The following GALM variants were observed in gnomAD, a reference collection of about 807,000 sequenced individuals.
The protein encoded by GALM is galactose mutarotase, also known as aldose 1-epimerase.
A neutral mutation model predicts 37.4 loss-of-function variants in GALM; 43 were observed. That is an observed-to-expected ratio of 1.15 (90% CI 0.90 to 1.48). GALM has a LOEUF of 1.48. Ranked by LOEUF, GALM falls within the 40% of genes most tolerant of loss-of-function variation. GALM has a pLI of 0.00. For synonymous variants in GALM, 199 were observed against 170.6 expected (o/e 1.17, Z -1.30); for missense variants, 456 against 419.1 (o/e 1.09, Z -0.77).
At chr2:38,718,006 TTC>T (rs762841886) in intron 4 of GALM, among the ~76,000 whole-genome samples, 8 of 150,546 alleles carry the variant, frequency 5.3e-5, no homozygotes, top group Non-Finnish European at 1.2e-4. Flanking sequence ...GGCTAATATT[TTC>T]TGTTTTTTGC....
intron 4 of GALM, among the ~76,000 whole-genome samples, chr2:38,695,271 A>C (rs981651565): frequency 2.6e-5 from 4 of 152,162 alleles, no homozygotes; most frequent in Non-Finnish European, 2.9e-5. Context: ...AAAATACAAA[A>C]ATTAGCCAAT....
At chr2:38,714,930 A>T (rs1666240224) in intron 4 of GALM, among the ~76,000 whole-genome samples, 1 of 152,156 alleles carries the variant, frequency 6.6e-6, no homozygotes, top group African/African-American at 2.4e-5. Context: ...CTGTCTAAAT[A>T]ATCTGTCCAA....
chr2:38,675,030 C>T (rs1210702474), intron 1 of GALM, among the ~76,000 whole-genome samples: 1 of 152,104 alleles, frequency 6.6e-6, no homozygotes, highest in Non-Finnish European at 1.5e-5. Context: ...CAAAAATTAG[C>T]TTGGTGTGGT....
intron 3 of GALM, among the ~76,000 whole-genome samples, chr2:38,686,142 A>G (rs373624509): frequency 9.2e-4 from 139 of 150,606 alleles, no homozygotes; most frequent in African/African-American, 3.1e-3. Flanking sequence ...TCTCAGGCTC[A>G]TCAGTTTATT....
chr2:38,688,033 G>A (rs1402784881), intron 3 of GALM, among the ~76,000 whole-genome samples: 3 of 151,906 alleles, frequency 2.0e-5, no homozygotes, highest in Admixed American at 1.3e-4. Flanking sequence ...CCAACATGGT[G>A]AAACCCCATC....
chr2:38,726,806 G>T (rs1432612677), intron 4 of GALM, among the ~76,000 whole-genome samples: 2 of 151,944 alleles, frequency 1.3e-5, no homozygotes, highest in Non-Finnish European at 2.9e-5. Flanking sequence ...TGAGGCAGAA[G>T]AATCGCTTGA....
chr2:38,688,012 G>A (rs1269862793), intron 3 of GALM, among the ~76,000 whole-genome samples: 1 of 151,900 alleles, frequency 6.6e-6, no homozygotes, highest in Non-Finnish European at 1.5e-5. Flanking sequence ...AGGAGTTTAA[G>A]ACTAGCCTGA....
At chr2:38,714,014 T>C (rs1558592865) in intron 4 of GALM, among the ~76,000 whole-genome samples, 2 of 151,648 alleles carry the variant, frequency 1.3e-5, no homozygotes, top group Non-Finnish European at 2.9e-5. Flanking sequence ...TTGTGACAAC[T>C]AAATAAAAAA....
chr2:38,688,087 T>C (rs540797251), intron 3 of GALM, among the ~76,000 whole-genome samples: 34 of 151,912 alleles, frequency 2.2e-4, no homozygotes, highest in African/African-American at 8.2e-4. Context: ...TGGCACACGC[T>C]TGTAATCCCA....
At chr2:38,722,040 A>ACCCCCCCCCCC (rs1178141610) in intron 4 of GALM, among the ~76,000 whole-genome samples, 2 of 53,462 alleles carry the variant, frequency 3.7e-5, no homozygotes, top group Admixed American at 3.0e-4. Context: ...TCCCCCCCCC[A>ACCCCCCCCCCC]CCCCCCCCCC....
chr2:38,683,029 T>G (rs1463730192), intron 3 of GALM, among the ~76,000 whole-genome samples: 6 of 152,196 alleles, frequency 3.9e-5, no homozygotes, highest in Admixed American at 3.9e-4. Context: ...TATTGTTTTA[T>G]GTAGGTAAAA....
intron 3 of GALM, among the ~76,000 whole-genome samples, chr2:38,686,351 C>T (rs1572518924): frequency 1.3e-5 from 2 of 151,474 alleles, no homozygotes; most frequent in African/African-American, 2.4e-5. Context: ...CTGCAACCTC[C>T]GCCTCCCGGG....
In GALM at chr2:38,729,703, G is replaced by A. The variant is rs1053757665; in HGVS notation, c.776+6G>A. ...GAAAAGCATTTTTGTGCAAGGTCAG[G>A]TACTTTTCACTTCCTGAGTCTGTAA... On this transcript the variant is annotated splice_donor_region_variant and intron_variant, in intron 5 of 6. Coordinates refer to ENST00000272252, the MANE Select transcript of GALM (RefSeq NM_138801.3). The A allele has an allele frequency of 1.9e-6, 3 of 1,609,914 alleles. No individual in the cohort carries two copies. Among genetic ancestry groups the A allele is most frequent in the Non-Finnish European group, 8.5e-7 (1 of 1,177,192 alleles).
Position 38,676,146 on chromosome 2 carries a change from C to T in GALM, c.345+80C>T, listed in dbSNP as rs552287206. 31 of 1,402,072 alleles carry T rather than the reference C, an allele frequency of 2.2e-5. No homozygotes were observed. In the East Asian group the frequency reaches 6.9e-4, roughly 31 times the overall value. 86.9% of individuals were successfully genotyped at this position (1,402,072 alleles called of 1,614,324 possible). A position where few individuals can be genotyped will look rare whatever the true frequency, so the allele number is the denominator to read the frequency against. On this transcript the variant is annotated intron_variant, in intron 2 of 6. Coordinates refer to ENST00000272252, the MANE Select transcript of GALM (RefSeq NM_138801.3). ...CTGCTTGCCAGGCACAGTCATAGGC[C>T]CTAGAGCACATGAGTGGTGAGATGC...
chr2:38,689,544 A>G (rs760029108), intron 3 of GALM, among the ~76,000 whole-genome samples: 71 of 152,162 alleles, frequency 4.7e-4, no homozygotes, highest in Non-Finnish European at 8.1e-4. Context: ...AAGGCTTTCA[A>G]ACCACTGTGG....
chr2:38,666,138 G>A lies in GALM; in HGVS notation c.-24G>A. ...CGCTGGAGTTTGAAGAGCGGGCAGTGGCTGCACACGCCAAACTTTCCCTAT... is the reference window on the plus strand; with the variant it reads ...CGCTGGAGTTTGAAGAGCGGGCAGTAGCTGCACACGCCAAACTTTCCCTAT... On this transcript the variant is annotated 5_prime_UTR_variant, in exon 1 of 7. Transcript: ENST00000272252. 1 of 1,597,302 alleles carries A rather than the reference G, an allele frequency of 6.3e-7. No individual in the cohort carries two copies. Among genetic ancestry groups the A allele is most frequent in the Non-Finnish European group, 8.5e-7 (1 of 1,170,880 alleles).
intron 4 of GALM, among the ~76,000 whole-genome samples, chr2:38,720,414 TAAAAAAAAAAA>T (rs34372976): frequency 3.2e-5 from 3 of 92,866 alleles, no homozygotes; most frequent in African/African-American, 4.4e-5. Context: ...ACTTCTATGT[TAAAAAAAAAAA>T]AAAAAAAAAA....
At chr2:38,725,523 G>A (rs1002431300) in intron 4 of GALM, among the ~76,000 whole-genome samples, 6 of 148,934 alleles carry the variant, frequency 4.0e-5, no homozygotes, top group Non-Finnish European at 5.9e-5. Context: ...GTAACAGAAC[G>A]AGACCCTCGC....
intron 1 of GALM, among the ~76,000 whole-genome samples, chr2:38,666,658 A>C (rs566846264): frequency 1.3e-5 from 2 of 152,208 alleles, no homozygotes; most frequent in African/African-American, 2.4e-5. Flanking sequence ...TGAACTGCCT[A>C]ATCTTTGAAC....
Sources: gnomAD v4.1 joint callset for allele counts (sites outside exome capture counted in the v4.1 genomes callset) on GRCh38, gnomAD v4.1.1 for gene constraint, MANE v1.5 for transcripts, NCBI Gene and HGNC (gene_info 2026-07-23, HGNC 2026-07-21) for gene names.